The following ITPK1 variants were observed in gnomAD, a reference collection of about 807,000 sequenced individuals.
ITPK1 encodes the protein inositol-tetrakisphosphate 1-kinase.
A neutral mutation model predicts 45.3 loss-of-function variants in ITPK1; 21 were observed. That is an observed-to-expected ratio of 0.46 (90% CI 0.33 to 0.67). The LOEUF (loss-of-function observed/expected upper bound fraction) is 0.67. ITPK1 is among the 30% of genes least tolerant of loss of function. ITPK1 has a pLI of 0.02. For missense variants in ITPK1, 474 were observed against 573.5 expected, an observed-to-expected ratio of 0.83 and a Z score of 1.77; for synonymous variants, 258 against 253.6, an observed-to-expected ratio of 1.02 and a Z score of -0.16.
chr14:93,027,086 G>A (rs76214548), intron 3 of ITPK1, among the ~76,000 whole-genome samples: 4,059 of 152,196 alleles, frequency 0.027, 98 homozygotes, highest in Admixed American at 0.085. Context: ...TATCGAAGAC[G>A]TTAAGTGAGA....
chr14:93,008,962 C>T lies in ITPK1; in HGVS notation c.246+7714G>A, dbSNP rs112838536. On this transcript the variant is annotated intron_variant, in intron 4 of 10. Coordinates refer to ENST00000267615, the MANE Select transcript of ITPK1 (RefSeq NM_014216.6). ...AATCAGAAACAACTTGACTGGCCCA[C>T]CTGAGCTCTCAGAGCTGCTGGACCC... is the stretch of plus-strand genomic sequence containing the variant. 2.6e-3 allele frequency among the ~76,000 whole-genome samples: 399 copies of T among 152,298 alleles called. 2 individuals are homozygous for T. The highest frequency in any genetic ancestry group is 8.9e-3 in the African/African-American group (369 of 41,570).
At chr14:93,011,611 G>A (rs1887914339) in intron 4 of ITPK1, among the ~76,000 whole-genome samples, 1 of 152,164 alleles carries the variant, frequency 6.6e-6, no homozygotes, top group Non-Finnish European at 1.5e-5. Context: ...TGTGTAGGCT[G>A]GGCAAGGCTC....
intron 3 of ITPK1, among the ~76,000 whole-genome samples, chr14:93,073,885 C>T (rs144785845): frequency 8.5e-4 from 130 of 152,298 alleles, no homozygotes; most frequent in African/African-American, 2.6e-3. Flanking sequence ...CTGCACAGAA[C>T]GGGAGACGCC....
In ITPK1 at chr14:93,104,099, C is replaced by T. The variant is rs542486763; in HGVS notation, c.95+10970G>A. 5.5e-4 allele frequency among the ~76,000 whole-genome samples: 84 copies of T among 152,296 alleles called. 1 individual carries two copies. Among genetic ancestry groups the T allele is most frequent in the South Asian group, 1.7e-3 (8 of 4,826 alleles). On this transcript the variant is annotated intron_variant, in intron 2 of 10. Coordinates refer to ENST00000267615, the MANE Select transcript of ITPK1 (RefSeq NM_014216.6). ...CACCTTACAGTTGGGAGGGCAGAGG[C>T]TCAGGACAAGTCTCATGCTCCAACT...
At chr14:92,952,078 T>C in intron 8 of ITPK1, 65 bp from the exon 9 acceptor site, 1 of 1,299,640 alleles carries the variant, frequency 7.7e-7, no homozygotes, top group Non-Finnish European at 1.1e-6. Flanking sequence ...TGCCGCCACC[T>C]GACACCAGGG....
chr14:92,941,255 G>A lies in ITPK1; in HGVS notation c.*306C>T, dbSNP rs1015017368. ...ACAGACACTGGCATGGCAGCCATAC[G>A]CACACCCCTCACCTCCCATCCAGAC... On this transcript the variant is annotated 3_prime_UTR_variant, in exon 11 of 11. Transcript: ENST00000267615. 5.9e-6 allele frequency: 8 copies of A among 1,358,296 alleles called. No homozygotes were observed. The East Asian group carries it at 9.1e-5, about 15-fold the overall frequency. 84.1% of individuals were successfully genotyped at this position (1,358,296 alleles called of 1,614,324 possible).
At chr14:93,024,262 T>A (rs1888621011) in intron 3 of ITPK1, among the ~76,000 whole-genome samples, 1 of 152,082 alleles carries the variant, frequency 6.6e-6, no homozygotes, top group Non-Finnish European at 1.5e-5. Context: ...GTGCTCTTCT[T>A]CCCAAGCCAC....
At chr14:92,993,739 T>G (rs1321648050) in intron 5 of ITPK1, 141 bp downstream of exon 5, 7 of 634,268 alleles carry the variant, frequency 1.1e-5, no homozygotes, top group Non-Finnish European at 1.7e-5. Flanking sequence ...CCAGAATGAC[T>G]GCACCATGGA....
At chr14:93,090,980 G>A (rs1265808802) in intron 2 of ITPK1, among the ~76,000 whole-genome samples, 8 of 151,894 alleles carry the variant, frequency 5.3e-5, no homozygotes, top group Non-Finnish European at 1.0e-4. Context: ...CCCTTCCTCC[G>A]CAATCACCAT....
intron 5 of ITPK1, among the ~76,000 whole-genome samples, chr14:92,984,085 A>C (rs1366757408): frequency 2.6e-5 from 4 of 152,214 alleles, no homozygotes; most frequent in Non-Finnish European, 5.9e-5. Context: ...AATAATACTA[A>C]AAGTGCACAT....
At chr14:93,083,074 A>G (rs1891503582) in intron 2 of ITPK1, among the ~76,000 whole-genome samples, 1 of 152,158 alleles carries the variant, frequency 6.6e-6, no homozygotes, top group Admixed American at 6.5e-5. Flanking sequence ...ACTGAGGGAG[A>G]GGGGATGATA....
rs150446533 is a variant in ITPK1 at position 93,090,221 on chromosome 14, C to T, written c.96-13602G>A. 7.3e-4 allele frequency among the ~76,000 whole-genome samples: 111 copies of T among 152,258 alleles called. 2 individuals carry two copies. The highest frequency in any genetic ancestry group is 6.4e-3 in the East Asian group (33 of 5,178). ...GTTCCTAGCACACCGGGCTTCCTGC[C>T]GTGCCCCACAGGTCGGTTCTTTCAC... On this transcript the variant is annotated intron_variant, in intron 2 of 10. Coordinates refer to ENST00000267615, the MANE Select transcript of ITPK1 (RefSeq NM_014216.6).
At chr14:93,075,528 G>C (rs2139981465) in intron 3 of ITPK1, among the ~76,000 whole-genome samples, 1 of 152,154 alleles carries the variant, frequency 6.6e-6, no homozygotes, top group East Asian at 1.9e-4. Context: ...TACCAGGAGG[G>C]AGGTCAGGAG....
chr14:92,959,084 G>A lies in ITPK1; in HGVS notation c.505-718C>T, dbSNP rs577816093. Among the ~76,000 whole-genome samples, 9 of 152,306 alleles carry A rather than the reference G, an allele frequency of 5.9e-5. No homozygotes were observed. In the South Asian group the frequency reaches 6.2e-4, roughly 11 times the overall value. ...ACAGGCCTTTGTGCTCCTGGTCCCC[G>A]ACTCCTCTGGGGAAAAAGGTCCCTG... On this transcript the variant is annotated intron_variant, in intron 7 of 10. Transcript: ENST00000267615.
chr14:93,015,091 C>T (rs865790144), intron 4 of ITPK1, among the ~76,000 whole-genome samples: 5 of 152,292 alleles, frequency 3.3e-5, no homozygotes, highest in African/African-American at 7.2e-5. Flanking sequence ...AGAGGAAAGT[C>T]GCTGTATGAC....
At chr14:92,994,112 G>T in intron 4 of ITPK1, 115 bp from the exon 5 acceptor site, 1 of 681,198 alleles carries the variant, frequency 1.5e-6, no homozygotes, top group Non-Finnish European at 2.7e-6. Context: ...CCCTAGCTTT[G>T]GTGGAGGGTG....
At chr14:93,027,705 G>A (rs1888810772) in intron 3 of ITPK1, among the ~76,000 whole-genome samples, 1 of 152,174 alleles carries the variant, frequency 6.6e-6, no homozygotes, top group East Asian at 1.9e-4. Context: ...CACTGAGTAA[G>A]CAAGACAGTC....
At chr14:93,086,724 G>A (rs1044259742) in intron 2 of ITPK1, among the ~76,000 whole-genome samples, 1 of 152,250 alleles carries the variant, frequency 6.6e-6, no homozygotes, top group African/African-American at 2.4e-5. Context: ...GGAGGGAGAG[G>A]GAGGCTGCCA....
chr14:93,075,139 G>A (rs1177143257), intron 3 of ITPK1, among the ~76,000 whole-genome samples: 2 of 151,696 alleles, frequency 1.3e-5, no homozygotes, highest in East Asian at 3.9e-4. Context: ...TCAGCCTGAG[G>A]AACATGGTGA....
Sources: gnomAD v4.1 joint callset for allele counts (sites outside exome capture counted in the v4.1 genomes callset) on GRCh38, gnomAD v4.1.1 for gene constraint, MANE v1.5 for transcripts, NCBI Gene and HGNC (gene_info 2026-07-23, HGNC 2026-07-21) for gene names.